Variants in TOX observed in about 807,000 individuals in gnomAD.
TOX encodes thymocyte selection associated high mobility group box, also known as thymocyte selection-associated high mobility group box protein TOX.
TOX carries 11 observed loss-of-function variants against 53.7 expected under a neutral mutation model. The ratio of observed to expected loss-of-function variants is 0.20; its 90% CI spans 0.13 to 0.34. The LOEUF is 0.34. TOX is among the 10% of genes least tolerant of loss of function. The pLI, the probability that TOX is intolerant of heterozygous loss-of-function variation, is 1.00. For missense variants in TOX, 570 were observed against 664.6 expected (o/e 0.86, Z 1.56); for synonymous variants, 225 against 245.3 (o/e 0.92, Z 0.77).
chr8:58,838,399 CA>C (rs1410513585), intron 4 of TOX, 88 bp from the exon 5 acceptor site: 1 of 991,908 alleles, frequency 1.0e-6, no homozygotes, highest in Non-Finnish European at 1.5e-6. Flanking sequence ...GACTTAGACA[CA>C]TACCCATTCA....
At chr8:58,980,341 C>T (rs555664173) in intron 1 of TOX, among the ~76,000 whole-genome samples, 125 of 152,286 alleles carry the variant, frequency 8.2e-4, no homozygotes, top group African/African-American at 2.9e-3. Context: ...GGAGCTGCCG[C>T]TTGGCCTGTT....
intron 1 of TOX, among the ~76,000 whole-genome samples, chr8:58,969,378 G>T (rs1025551468): frequency 6.6e-6 from 1 of 152,162 alleles, no homozygotes; most frequent in African/African-American, 2.4e-5. Flanking sequence ...GCAAAGCTCT[G>T]TTTACATATC....
At chr8:59,099,676 CACAT>C (rs1804771409) in intron 1 of TOX, among the ~76,000 whole-genome samples, 1 of 152,136 alleles carries the variant, frequency 6.6e-6, no homozygotes, top group Non-Finnish European at 1.5e-5. Flanking sequence ...CAGCAGGAAA[CACAT>C]AAGGTGATTA....
At chr8:59,107,438 A>G (rs1804934462) in intron 1 of TOX, among the ~76,000 whole-genome samples, 1 of 152,216 alleles carries the variant, frequency 6.6e-6, no homozygotes, top group Non-Finnish European at 1.5e-5. Context: ...GATGCTTGTT[A>G]ATCTGGTACT....
chr8:59,044,460 A>G (rs751578825), intron 1 of TOX, among the ~76,000 whole-genome samples: 14 of 152,154 alleles, frequency 9.2e-5, no homozygotes, highest in Non-Finnish European at 1.9e-4. Flanking sequence ...ATCCCCATCC[A>G]CATTTCCACA....
At chr8:58,935,471 T>C (rs1443044063) in intron 3 of TOX, among the ~76,000 whole-genome samples, 3 of 152,200 alleles carry the variant, frequency 2.0e-5, no homozygotes, top group Non-Finnish European at 4.4e-5. Flanking sequence ...TTTCCCAGGA[T>C]GGCTTCTACT....
At chr8:58,909,959 T>C (rs1272131438) in intron 3 of TOX, among the ~76,000 whole-genome samples, 2 of 152,110 alleles carry the variant, frequency 1.3e-5, no homozygotes, top group African/African-American at 2.4e-5. Flanking sequence ...TGCCCAGCCT[T>C]AACTCTCTTT....
At position 58,806,520 on chromosome 8, in the gene TOX, G is replaced by A. The variant is rs1294059925; in HGVS notation, c.*1227C>T. 1 of 152,292 alleles carries A rather than the reference G, an allele frequency of 6.6e-6. No homozygotes were observed. The highest frequency in any genetic ancestry group is 1.9e-4 in the East Asian group (1 of 5,200). The allele number at this position is 152,292 out of a possible 1,614,324, so 9.4% of individuals were successfully genotyped here. ...AGGACCTGTCTGTTTGTTTAGTCTT[G>A]GAGCTTGTGTGACTTGGAGGGCAAT... On this transcript the variant is annotated 3_prime_UTR_variant, in exon 9 of 9. Transcript: ENST00000361421.
rs577475186 is a variant in TOX at position 59,031,815 on chromosome 8, A to G, written c.103-71807T>C. Among the ~76,000 whole-genome samples the G allele has an allele frequency of 4.6e-5, 7 of 152,344 alleles. No homozygotes were observed. The South Asian group carries it at 1.4e-3, about 32-fold the overall frequency. On this transcript the variant is annotated intron_variant, in intron 1 of 8. Transcript: ENST00000361421. ...TTGGCCTATGTGAAGGACATTAAAA[A>G]TAAACTAATAAATAAACCAGAGAAA...
At chr8:59,076,950 C>T (rs1046332444) in intron 1 of TOX, among the ~76,000 whole-genome samples, 1 of 152,162 alleles carries the variant, frequency 6.6e-6, no homozygotes, top group Admixed American at 6.5e-5. Context: ...CTTTACAAAG[C>T]AATTTTATAT....
At chr8:58,895,491 G>A (rs779843705) in intron 3 of TOX, among the ~76,000 whole-genome samples, 9 of 152,146 alleles carry the variant, frequency 5.9e-5, no homozygotes, top group Non-Finnish European at 1.2e-4. Context: ...CAGAAGAAGA[G>A]GAAAAACTTT....
At chr8:59,059,978 A>C (rs558405137) in intron 1 of TOX, among the ~76,000 whole-genome samples, 1 of 152,164 alleles carries the variant, frequency 6.6e-6, no homozygotes, top group South Asian at 2.1e-4. Flanking sequence ...GGCTTAATGT[A>C]TGCTTATCTT....
intron 1 of TOX, among the ~76,000 whole-genome samples, chr8:59,016,254 A>G (rs1315329889): frequency 6.6e-6 from 1 of 152,168 alleles, no homozygotes; most frequent in African/African-American, 2.4e-5. Flanking sequence ...AAATAATAAA[A>G]ACAGGTATTT....
At chr8:59,027,670 G>A (rs1036759167) in intron 1 of TOX, among the ~76,000 whole-genome samples, 10 of 151,792 alleles carry the variant, frequency 6.6e-5, no homozygotes, top group African/African-American at 9.7e-5. Context: ...GATTTTTTAC[G>A]GACTTCATTG....
intron 3 of TOX, among the ~76,000 whole-genome samples, chr8:58,905,806 G>C (rs146201277): frequency 7.9e-5 from 12 of 152,042 alleles, no homozygotes; most frequent in Admixed American, 3.9e-4. Flanking sequence ...CCAATCATTC[G>C]ACTTTGATCC....
intron 2 of TOX, among the ~76,000 whole-genome samples, chr8:58,956,835 C>A (rs1299288769): frequency 1.3e-5 from 2 of 152,146 alleles, no homozygotes; most frequent in African/African-American, 4.8e-5. Flanking sequence ...AGGTTGGTCT[C>A]AAACCTGACC....
rs146657735 is a variant in TOX, at chr8:58,858,578, G to A, written c.412-6773C>T. Among the ~76,000 whole-genome samples the A allele has an allele frequency of 1.0e-3, 159 of 152,348 alleles. 2 individuals carry two copies. Among genetic ancestry groups the A allele is most frequent in the African/African-American group, 3.0e-3 (125 of 41,594 alleles). Reference sequence around the variant, plus strand: ...TGCTTTCTGTGGTCTTTGCAGGCAAGGCCTGGAAGGCTGCCAGTTGCAGCA... The same window carrying A: ...TGCTTTCTGTGGTCTTTGCAGGCAAAGCCTGGAAGGCTGCCAGTTGCAGCA... On this transcript the variant is annotated intron_variant, in intron 3 of 8. Coordinates refer to ENST00000361421, the MANE Select transcript of TOX (RefSeq NM_014729.3).
chr8:58,883,581 T>C (rs1043739477), intron 3 of TOX, among the ~76,000 whole-genome samples: 2 of 152,204 alleles, frequency 1.3e-5, no homozygotes, highest in African/African-American at 4.8e-5. Context: ...CTTTGATTAA[T>C]AGTGTGACAG....
Position 58,815,723 on chromosome 8 carries a change from C to A in TOX, c.1007G>T (p.Ser336Ile), listed in dbSNP as rs781293745. The A allele has an allele frequency of 1.9e-6, 3 of 1,604,046 alleles. No individual in the cohort carries two copies. Among genetic ancestry groups the A allele is most frequent in the Non-Finnish European group, 2.6e-6 (3 of 1,174,754 alleles). Residue 336 changes from serine (S) to isoleucine (I), a missense_variant and splice_region_variant, in exon 7 of 9, where the codon AGC (serine) becomes ATC (isoleucine). By Grantham distance (142) the Ser-to-Ile change is moderately radical (BLOSUM62 -2). Around this residue, in one of 3 missense-constraint regions of TOX, gnomAD observed 239 missense variants for 250.7 expected, o/e 0.95. Transcript: ENST00000361421. ...CTTCACGTCAACAGGTTCACTGTAG[C>A]TCTGTTGAGGAAATAAATGAGCAGA... is the stretch of plus-strand genomic sequence containing the variant. ...AAYRASLVSK[S>I]YSEPVDVKTS...
Sources: allele counts gnomAD v4.1 joint callset (sites outside exome capture counted in the v4.1 genomes callset), GRCh38; gene constraint gnomAD v4.1.1; regional missense constraint gnomAD v4.1.1; transcripts MANE v1.5; gene names NCBI Gene and HGNC (gene_info 2026-07-23, HGNC 2026-07-21).